Variants in ATG7 observed in about 807,000 individuals in gnomAD.
The protein encoded by ATG7 is autophagy related 7, also known as ubiquitin-like modifier-activating enzyme ATG7.
In ATG7, 70 loss-of-function variants were observed where a neutral mutation model predicts 82.4. That is an observed-to-expected ratio of 0.85 (90% CI 0.70 to 1.04). ATG7 has a LOEUF of 1.04. Ranked by LOEUF, ATG7 falls within the 50% of genes least tolerant of loss-of-function variation. ATG7 has a pLI of 0.00. For synonymous variants in ATG7, 287 were observed against 313.0 expected, an observed-to-expected ratio of 0.92 and a Z score of 0.88; for missense variants, 792 against 864.3, an observed-to-expected ratio of 0.92 and a Z score of 1.05.
intron 20 of ATG7, among the ~76,000 whole-genome samples, chr3:11,551,479 G>C (rs955612786): frequency 6.6e-6 from 1 of 152,242 alleles, no homozygotes; most frequent in Middle Eastern, 3.2e-3. Flanking sequence ...GTCTTTCCAG[G>C]AGAGATTCTT....
intron 20 of ATG7, among the ~76,000 whole-genome samples, chr3:11,429,850 G>A (rs1388625065): frequency 6.6e-6 from 1 of 150,890 alleles, no homozygotes; most frequent in Non-Finnish European, 1.5e-5. Context: ...CTGGGATGAG[G>A]CAGGAAAATT....
chr3:11,299,662 A>G (rs1371501386), intron 5 of ATG7, among the ~76,000 whole-genome samples: 1 of 152,158 alleles, frequency 6.6e-6, no homozygotes. Flanking sequence ...ATCTAGATTG[A>G]TTGAGACATA....
At chr3:11,510,327 A>G (rs748893763) in intron 20 of ATG7, 12 of 455,324 alleles carry the variant, frequency 2.6e-5, no homozygotes, top group South Asian at 1.4e-4. Context: ...ACTTGAATGT[A>G]TAATTTGTGT....
At chr3:11,546,568 G>C (rs2071309752) in intron 20 of ATG7, among the ~76,000 whole-genome samples, 1 of 152,202 alleles carries the variant, frequency 6.6e-6, no homozygotes, top group Non-Finnish European at 1.5e-5. Context: ...GTTTATAAAA[G>C]AAGAACCTTA....
intron 19 of ATG7, among the ~76,000 whole-genome samples, chr3:11,401,985 A>AT (rs1380203335): frequency 6.6e-6 from 1 of 152,246 alleles, no homozygotes; most frequent in Non-Finnish European, 1.5e-5. Flanking sequence ...ACTTAAAAAC[A>AT]GTAAGTACAC....
intron 18 of ATG7, among the ~76,000 whole-genome samples, chr3:11,372,362 G>A (rs1426657217): frequency 6.6e-6 from 1 of 151,068 alleles, no homozygotes. Context: ...TTATTTTGCA[G>A]GGAGAGGGAA....
At chr3:11,554,309 T>C (rs2072158638) in intron 20 of ATG7, among the ~76,000 whole-genome samples, 1 of 152,110 alleles carries the variant, frequency 6.6e-6, no homozygotes, top group South Asian at 2.1e-4. Context: ...AGCTCTCTAG[T>C]GTGAGTTGGG....
chr3:11,333,151 G>T (rs1003574103), intron 11 of ATG7, 58 bp downstream of exon 11: 4 of 1,472,092 alleles, frequency 2.7e-6, no homozygotes, highest in Non-Finnish European at 3.6e-6. Flanking sequence ...ACGGAACCAG[G>T]TTTACTTTCT....
Position 11,535,107 on chromosome 3 carries a change from G to T in ATG7, c.2080-19704G>T, listed in dbSNP as rs933827446. On this transcript the variant is annotated intron_variant, in intron 20 of 20. Coordinates refer to ENST00000693202, the MANE Select transcript of ATG7 (RefSeq NM_001349232.2). ...GCCCAGCGGATTCTTCCTAAGATGT[G>T]TTGCTTGGGGGCCCCCCTTGAGGCT... 3.9e-5 allele frequency among the ~76,000 whole-genome samples: 6 copies of T among 152,364 alleles called. No homozygotes were observed. The East Asian group carries it at 9.6e-4, about 25-fold the overall frequency.
rs770452414 is a variant in ATG7 at position 11,399,443 on chromosome 3, A to G, written c.1956+19391A>G. Among the ~76,000 whole-genome samples the G allele has an allele frequency of 1.1e-4, 17 of 152,334 alleles. No individual in the cohort carries two copies. In the East Asian group the frequency reaches 1.3e-3, roughly 12 times the overall value. ...GTGATATTATTAAGGAGGCAGGCAGATTTAGGTGAAAAATTATGAGGAAAA... is the reference window on the plus strand; with the variant it reads ...GTGATATTATTAAGGAGGCAGGCAGGTTTAGGTGAAAAATTATGAGGAAAA... On this transcript the variant is annotated intron_variant, in intron 19 of 20. Coordinates refer to ENST00000693202, the MANE Select transcript of ATG7 (RefSeq NM_001349232.2).
At chr3:11,346,242 C>G (rs1375204) in intron 13 of ATG7, among the ~76,000 whole-genome samples, 8,225 of 152,230 alleles carry the variant, frequency 0.054, 534 homozygotes, top group Admixed American at 0.18. Flanking sequence ...AACCCTTCTC[C>G]TAATGTTCAG....
intron 20 of ATG7, among the ~76,000 whole-genome samples, chr3:11,507,983 C>T (rs2153071414): frequency 6.6e-6 from 1 of 151,232 alleles, no homozygotes; most frequent in South Asian, 2.1e-4. Flanking sequence ...AAAAACAAAA[C>T]AAAACTGGGA....
intron 20 of ATG7, among the ~76,000 whole-genome samples, chr3:11,462,179 T>A (rs1202881087): frequency 6.6e-6 from 1 of 152,142 alleles, no homozygotes; most frequent in Non-Finnish European, 1.5e-5. Context: ...TAAGAGCGTC[T>A]GCCACCCTTC....
chr3:11,467,450 T>C (rs1019158224), intron 20 of ATG7, among the ~76,000 whole-genome samples: 4 of 152,168 alleles, frequency 2.6e-5, no homozygotes. Context: ...GATCTCGGCT[T>C]ACTGCAACCT....
At chr3:11,495,378 T>G (rs2090744281) in intron 20 of ATG7, among the ~76,000 whole-genome samples, 1 of 152,144 alleles carries the variant, frequency 6.6e-6, no homozygotes, top group South Asian at 2.1e-4. Flanking sequence ...TGTCTCATCC[T>G]GAGGAGAGAT....
At chr3:11,357,012 T>G (rs1368140840) in intron 14 of ATG7, among the ~76,000 whole-genome samples, 1 of 152,116 alleles carries the variant, frequency 6.6e-6, no homozygotes, top group Non-Finnish European at 1.5e-5. Context: ...TTCCAGAGAT[T>G]AGGTTTAAAG....
At chr3:11,383,551 C>T (rs1256190840) in intron 19 of ATG7, among the ~76,000 whole-genome samples, 1 of 152,128 alleles carries the variant, frequency 6.6e-6, no homozygotes, top group Non-Finnish European at 1.5e-5. Context: ...CAGGTTCAAG[C>T]GATTCTCCTG....
chr3:11,449,628 G>C (rs2084914628), intron 20 of ATG7, among the ~76,000 whole-genome samples: 1 of 152,176 alleles, frequency 6.6e-6, no homozygotes, highest in African/African-American at 2.4e-5. Flanking sequence ...TCAAGCATCA[G>C]ATGAACGCTT....
At chr3:11,503,349 C>T (rs983933477) in intron 20 of ATG7, among the ~76,000 whole-genome samples, 1 of 151,872 alleles carries the variant, frequency 6.6e-6, no homozygotes, top group African/African-American at 2.4e-5. Flanking sequence ...TTACATGTCC[C>T]AAAAAATTCT....
Sources: allele counts gnomAD v4.1 joint callset (sites outside exome capture counted in the v4.1 genomes callset), GRCh38; gene constraint gnomAD v4.1.1; transcripts MANE v1.5; gene names NCBI Gene and HGNC (gene_info 2026-07-23, HGNC 2026-07-21).